AKAP13: variants seen among roughly 807,000 people sequenced by gnomAD.
AKAP13 encodes A-kinase anchoring protein 13, also known as A-kinase anchor protein 13.
Under a neutral mutation model 264.5 loss-of-function variants are expected in AKAP13, and 80 were observed. That is an observed-to-expected ratio of 0.30 (90% CI 0.25 to 0.36). The LOEUF is 0.36. AKAP13 is among the 10% of genes least tolerant of loss of function. AKAP13 has a pLI of 1.00. For missense variants in AKAP13, 3,712 were observed against 3,435.2 expected, an observed-to-expected ratio of 1.08 and a Z score of -2.01; for synonymous variants, 1,380 against 1,250.2, an observed-to-expected ratio of 1.10 and a Z score of -2.19.
At chr15:85,711,519 C>G (rs1455344028) in intron 19 of AKAP13, among the ~76,000 whole-genome samples, 2 of 151,938 alleles carry the variant, frequency 1.3e-5, no homozygotes, top group Non-Finnish European at 2.9e-5. Context: ...ATTTTTTTCA[C>G]TCAATATTGT....
chr15:85,490,451 C>G (rs568160942), intron 2 of AKAP13, among the ~76,000 whole-genome samples: 1 of 152,166 alleles, frequency 6.6e-6, no homozygotes, highest in Non-Finnish European at 1.5e-5. Flanking sequence ...GAAGTGAAAT[C>G]GTTTGAGTCT....
At chr15:85,629,023 G>A (rs1382865409) in intron 8 of AKAP13, among the ~76,000 whole-genome samples, 1 of 151,992 alleles carries the variant, frequency 6.6e-6, no homozygotes. Context: ...TGAGACCCCT[G>A]CCTCTCCAAA....
At chr15:85,615,761 C>A (rs905788564) in intron 8 of AKAP13, among the ~76,000 whole-genome samples, 1 of 152,168 alleles carries the variant, frequency 6.6e-6, no homozygotes, top group African/African-American at 2.4e-5. Context: ...TTTTCTTTCT[C>A]CTCTGAAACT....
chr15:85,433,326 A>G (rs1273578082), intron 1 of AKAP13, among the ~76,000 whole-genome samples: 1 of 152,144 alleles, frequency 6.6e-6, no homozygotes, highest in Non-Finnish European at 1.5e-5. Flanking sequence ...GTATCTTCAT[A>G]TATAAATGTG....
intron 4 of AKAP13, among the ~76,000 whole-genome samples, chr15:85,542,105 TCAGAA>T (rs980985907): frequency 1.1e-4 from 16 of 152,238 alleles, no homozygotes; most frequent in African/African-American, 3.6e-4. Context: ...GATAAGGATG[TCAGAA>T]CAACTGTAAG....
In AKAP13 at chr15:85,727,965, G is replaced by A. The variant is rs2087717733; in HGVS notation, c.7087+502G>A. On this transcript the variant is annotated intron_variant, in intron 29 of 36. Coordinates refer to ENST00000394518, the MANE Select transcript of AKAP13 (RefSeq NM_007200.5). This position sits in a 1 kb window ranked among gnomAD's most constrained non-coding sequence, Gnocchi z 5.3. ...TATGTTTGACCCTTATTTATTGAGT[G>A]CTGACTGTTTTGTGTAGTCTTGTCA... 2.0e-5 allele frequency among the ~76,000 whole-genome samples: 3 copies of A among 152,168 alleles called. No individual in the cohort carries two copies. The South Asian group carries it at 6.2e-4, about 31-fold the overall frequency.
At chr15:85,513,604 A>G (rs1341461597) in intron 2 of AKAP13, among the ~76,000 whole-genome samples, 2 of 152,330 alleles carry the variant, frequency 1.3e-5, no homozygotes, top group East Asian at 3.9e-4. Flanking sequence ...ATTATCTGTC[A>G]GTAAGTTACA....
intron 29 of AKAP13, among the ~76,000 whole-genome samples, chr15:85,729,536 TAAGA>T (rs1240356903): frequency 6.6e-6 from 1 of 151,998 alleles, no homozygotes; most frequent in Non-Finnish European, 1.5e-5. Flanking sequence ...GGTCTGCTGC[TAAGA>T]AAGGGGAGGG....
In AKAP13 at chr15:85,681,736, G is replaced by A. The variant is rs1044458953; in HGVS notation, c.5102-422G>A. On this transcript the variant is annotated intron_variant, in intron 14 of 36. Coordinates refer to ENST00000394518, the MANE Select transcript of AKAP13 (RefSeq NM_007200.5). The stretch of plus-strand genomic sequence containing the variant: ...TATTAGAGATGAGCTAGATCTTATA[G>A]AAACATATAAAAGCAGTATTAACGG... 4.4e-5 allele frequency among the ~76,000 whole-genome samples: 5 copies of A among 113,674 alleles called. 2 individuals carry two copies. The highest frequency in any genetic ancestry group is 1.3e-4 in the African/African-American group (4 of 31,928). 74.6% of individuals were successfully genotyped at this position (113,674 alleles called of 152,430 possible).
chr15:85,739,157 A>G (rs1473568445), intron 33 of AKAP13, among the ~76,000 whole-genome samples: 1 of 152,242 alleles, frequency 6.6e-6, no homozygotes, highest in Non-Finnish European at 1.5e-5. Flanking sequence ...ATCTTTGTAC[A>G]TACATTGTTT....
intron 1 of AKAP13, among the ~76,000 whole-genome samples, chr15:85,391,627 G>A (rs996556193): frequency 1.3e-5 from 2 of 151,388 alleles, no homozygotes; most frequent in African/African-American, 2.4e-5. Context: ...TGGGACCACC[G>A]GTGTGCACCA....
chr15:85,609,633 A>G (rs1298560481), intron 8 of AKAP13, among the ~76,000 whole-genome samples: 2 of 152,204 alleles, frequency 1.3e-5, no homozygotes, highest in Admixed American at 1.3e-4. Flanking sequence ...GGATTCCTAG[A>G]TCATACGGTG....
intron 1 of AKAP13, among the ~76,000 whole-genome samples, chr15:85,441,608 T>C (rs886478347): frequency 3.3e-5 from 5 of 152,230 alleles, no homozygotes; most frequent in African/African-American, 4.8e-5. Context: ...TTTTCTCTTA[T>C]GTTTTCTTGT....
chr15:85,701,713 G>A (rs1025037284), intron 17 of AKAP13, among the ~76,000 whole-genome samples: 8 of 152,036 alleles, frequency 5.3e-5, no homozygotes, highest in African/African-American at 1.9e-4. Flanking sequence ...AAAGTGTTGG[G>A]ATTACAGGCG....
intron 8 of AKAP13, among the ~76,000 whole-genome samples, chr15:85,626,316 C>T (rs1233818530): frequency 6.6e-6 from 1 of 152,218 alleles, no homozygotes; most frequent in Non-Finnish European, 1.5e-5. Context: ...AGTACATTCA[C>T]ATTGTTATAT....
chr15:85,567,574 A>C (rs1297106591), intron 5 of AKAP13, among the ~76,000 whole-genome samples: 1 of 152,220 alleles, frequency 6.6e-6, no homozygotes, highest in South Asian at 2.1e-4. Context: ...AGGGGCAGAC[A>C]CTAAGCTAAA....
At chr15:85,401,198 G>A (rs1221839309) in intron 1 of AKAP13, among the ~76,000 whole-genome samples, 1 of 152,010 alleles carries the variant, frequency 6.6e-6, no homozygotes, top group Non-Finnish European at 1.5e-5. Context: ...AATTTATGAT[G>A]GTTCTATAAT....
At chr15:85,453,145 C>T (rs930462540) in intron 1 of AKAP13, among the ~76,000 whole-genome samples, 2 of 152,162 alleles carry the variant, frequency 1.3e-5, no homozygotes, top group Non-Finnish European at 2.9e-5. Context: ...GGATAAAGCA[C>T]TTAATGTCTT....
intron 33 of AKAP13, among the ~76,000 whole-genome samples, chr15:85,739,698 A>G (rs1306579341): frequency 6.6e-6 from 1 of 151,866 alleles, no homozygotes; most frequent in Admixed American, 6.6e-5. Flanking sequence ...TTGAAATAGG[A>G]TCTCGCTGTC....
Sources: gnomAD v4.1 joint callset for allele counts (sites outside exome capture counted in the v4.1 genomes callset) on GRCh38, gnomAD v4.1.1 for gene constraint, Gnocchi (gnomAD v3.1) non-coding constraint, MANE v1.5 for transcripts, NCBI Gene and HGNC (gene_info 2026-07-23, HGNC 2026-07-21) for gene names.